Variants in PAAF1 observed in about 807,000 individuals in gnomAD.
PAAF1 encodes the protein proteasomal ATPase-associated factor 1.
Under a neutral mutation model 52.8 loss-of-function variants are expected in PAAF1, and 46 were observed. The observed-to-expected ratio is 0.87, with a 90% CI of 0.69 to 1.11. The LOEUF is 1.11. Among genes scored for constraint, PAAF1 ranks in the 50% most tolerant of loss-of-function variants. PAAF1 has a pLI of 0.00. For missense variants in PAAF1, 424 were observed against 477.4 expected, an observed-to-expected ratio of 0.89 and a Z score of 1.04; for synonymous variants, 178 against 172.8, an observed-to-expected ratio of 1.03 and a Z score of -0.24.
chr11:73,884,179 G>A (rs903068171), intron 2 of PAAF1, among the ~76,000 whole-genome samples: 1 of 152,024 alleles, frequency 6.6e-6, no homozygotes, highest in South Asian at 2.1e-4. Flanking sequence ...GAAAACCAAG[G>A]CTGAGGTCAT....
Position 73,929,836 on chromosome 11 carries a change from C to T in PAAF1, c.*2474C>T, listed in dbSNP as rs1394239230. 6.6e-6 allele frequency: 1 copy of T among 152,314 alleles called. No homozygotes were observed. The highest frequency in any genetic ancestry group is 1.5e-5 in the Non-Finnish European group (1 of 68,106). 9.4% of individuals were successfully genotyped at this position (152,314 alleles called of 1,614,324 possible). On this transcript the variant is annotated 3_prime_UTR_variant, in exon 12 of 12. Transcript: ENST00000310571. ...CTTTGGGAGGCCAAGACGGGTGGAT[C>T]ACCTGAGGTCAGGAGTTCGAGACCA...
At chr11:73,881,823 C>T (rs1948916618) in intron 2 of PAAF1, among the ~76,000 whole-genome samples, 1 of 152,102 alleles carries the variant, frequency 6.6e-6, no homozygotes, top group Admixed American at 6.5e-5. Context: ...TCTCCAGCCT[C>T]AGCCTCCCAA....
At chr11:73,911,255 C>A (rs961966763) in intron 7 of PAAF1, among the ~76,000 whole-genome samples, 1 of 152,104 alleles carries the variant, frequency 6.6e-6, no homozygotes, top group African/African-American at 2.4e-5. Flanking sequence ...GTTTCTTAGC[C>A]CTAATAATCC....
At chr11:73,886,782 C>G (rs757787147) in intron 2 of PAAF1, 10 of 191,952 alleles carry the variant, frequency 5.2e-5, no homozygotes, top group Non-Finnish European at 9.9e-5. Context: ...CCCTCCAAAT[C>G]TCATGTTGAA....
chr11:73,902,996 C>T (rs953751241), intron 6 of PAAF1, among the ~76,000 whole-genome samples: 8 of 152,170 alleles, frequency 5.3e-5, no homozygotes, highest in African/African-American at 1.9e-4. Context: ...CTGCGCCCGG[C>T]CTAGAATGTT....
rs540907201 is a variant in PAAF1 at position 73,921,620 on chromosome 11, C to T, written c.1018+2588C>T. 8.9e-6 allele frequency: 6 copies of T among 670,570 alleles called. No homozygotes were observed. In the Admixed American group the frequency reaches 1.1e-4, roughly 12 times the overall value. 41.5% of individuals were successfully genotyped at this position (670,570 alleles called of 1,614,324 possible). On this transcript the variant is annotated intron_variant, in intron 10 of 11. Coordinates refer to ENST00000310571, the MANE Select transcript of PAAF1 (RefSeq NM_025155.3). ...CGTATATCTTGCTGGAAAATGCTGCCCAGGGCTCTGGAGATGGTGGCTGCC... is the reference window on the plus strand; with the variant it reads ...CGTATATCTTGCTGGAAAATGCTGCTCAGGGCTCTGGAGATGGTGGCTGCC...
chr11:73,904,628 A>G (rs906204302), intron 6 of PAAF1, among the ~76,000 whole-genome samples: 1 of 152,162 alleles, frequency 6.6e-6, no homozygotes, highest in African/African-American at 2.4e-5. Flanking sequence ...AGGTGCTTCA[A>G]GGCTTATTTT....
At chr11:73,921,522 TC>T in intron 10 of PAAF1, 1 of 521,406 alleles carries the variant, frequency 1.9e-6, no homozygotes, top group Non-Finnish European at 3.8e-6. Context: ...AAATTCTTGA[TC>T]AAGAGTTTTT....
chr11:73,921,299 CAAA>C (rs35623031), intron 10 of PAAF1, among the ~76,000 whole-genome samples: 5 of 123,348 alleles, frequency 4.1e-5, no homozygotes, highest in Admixed American at 8.7e-5. Context: ...GACTGCCTCG[CAAA>C]AAAAAAAAAA....
Position 73,877,158 on chromosome 11 carries a change from T to A in PAAF1, c.47+90T>A. 3 of 1,310,280 alleles carry A rather than the reference T, an allele frequency of 2.3e-6. No homozygotes were observed. The South Asian group carries it at 4.9e-5, about 22-fold the overall frequency. The allele number at this position is 1,310,280 out of a possible 1,614,324, so 81.2% of individuals were successfully genotyped here. On this transcript the variant is annotated intron_variant, in intron 1 of 11. Transcript: ENST00000310571. ...AGCCATGCCTGGTCCAGGATATCAA[T>A]AGGGGTTACTTCGTCAATTGTCGAG...
intron 7 of PAAF1, among the ~76,000 whole-genome samples, chr11:73,909,953 T>C (rs1949883241): frequency 6.6e-6 from 1 of 152,146 alleles, no homozygotes; most frequent in Admixed American, 6.6e-5. Context: ...TAAATAAATC[T>C]CATAATATTT....
At chr11:73,919,179 T>C in intron 10 of PAAF1, 147 bp downstream of exon 10, 1 of 670,678 alleles carries the variant, frequency 1.5e-6, no homozygotes, top group Non-Finnish European at 2.5e-6. Flanking sequence ...TTTATCACTC[T>C]ACGTTGTGAT....
intron 2 of PAAF1, chr11:73,879,059 T>G (rs549323549): frequency 3.3e-4 from 103 of 315,260 alleles, no homozygotes; most frequent in Non-Finnish European, 5.4e-4. Flanking sequence ...TGCATCTTAA[T>G]TAGTCACTTA....
At chr11:73,880,856 T>A (rs951582147) in intron 2 of PAAF1, among the ~76,000 whole-genome samples, 3 of 150,950 alleles carry the variant, frequency 2.0e-5, no homozygotes, top group Non-Finnish European at 4.4e-5. Flanking sequence ...AAAAATTACC[T>A]GGGCGTGGTG....
chr11:73,887,386 C>G lies in PAAF1; in HGVS notation c.121C>G (p.Gln41Glu), dbSNP rs1355342315. Residue 41 changes from glutamine to glutamate, a missense_variant, in exon 3 of 12, where the codon CAA becomes GAA. By Grantham distance (29) the Gln-to-Glu change is conservative (BLOSUM62 2). Coordinates refer to ENST00000310571, the MANE Select transcript of PAAF1 (RefSeq NM_025155.3). Reference sequence around the variant, plus strand: ...ATCTTTGTATGGCAGCCTGACTTGTCAAGGAATTGGCCTAGATGGCATCCC... The same window carrying G: ...ATCTTTGTATGGCAGCCTGACTTGTGAAGGAATTGGCCTAGATGGCATCCC... ...KPSLYGSLTC[Q>E]GIGLDGIPEV... is the part of the protein sequence containing the mutation. 6.2e-7 allele frequency: 1 copy of G among 1,612,722 alleles called. No individual in the cohort carries two copies. Among genetic ancestry groups the G allele is most frequent in the South Asian group, 1.1e-5 (1 of 90,756 alleles).
chr11:73,876,852 C>A, upstream of PAAF1: 1 of 649,130 alleles, frequency 1.5e-6, no homozygotes, highest in Non-Finnish European at 2.4e-6. Flanking sequence ...CTTTCAGGAA[C>A]CAGCCCCTCG....
intron 3 of PAAF1, chr11:73,889,160 C>T (rs1949137506): frequency 6.6e-7 from 1 of 1,525,166 alleles, no homozygotes; most frequent in South Asian, 1.2e-5. Flanking sequence ...TCTTTCTTCC[C>T]TTCATACTCA....
chr11:73,894,087 G>A (rs976942967), intron 4 of PAAF1, among the ~76,000 whole-genome samples: 8 of 152,120 alleles, frequency 5.3e-5, no homozygotes, highest in Admixed American at 3.3e-4. Flanking sequence ...ATAGGTATAA[G>A]CCACTGTGCC....
chr11:73,908,361 GTATATA>G (rs528147180), intron 6 of PAAF1, among the ~76,000 whole-genome samples: 3 of 136,802 alleles, frequency 2.2e-5, no homozygotes, highest in African/African-American at 9.0e-5. Context: ...ATATATGTGT[GTATATA>G]TATATGTATA....
Sources: allele counts gnomAD v4.1 joint callset (sites outside exome capture counted in the v4.1 genomes callset), GRCh38; gene constraint gnomAD v4.1.1; transcripts MANE v1.5; gene names NCBI Gene and HGNC (gene_info 2026-07-23, HGNC 2026-07-21).